The following UBR1 variants were observed in gnomAD, a reference collection of about 807,000 sequenced individuals.
The protein encoded by UBR1 is ubiquitin protein ligase E3 component n-recognin 1, also known as E3 ubiquitin-protein ligase UBR1.
Under a neutral mutation model 242.1 loss-of-function variants are expected in UBR1, and 102 were observed. The observed-to-expected ratio is 0.42, with a 90% CI of 0.36 to 0.50. UBR1 has a LOEUF of 0.50. UBR1 is among the 20% of genes least tolerant of loss of function. The pLI, the probability that UBR1 is intolerant of heterozygous loss-of-function variation, is 0.01. For missense variants in UBR1, 1,772 were observed against 2,101.8 expected (o/e 0.84, Z 3.07); for synonymous variants, 675 against 684.8 (o/e 0.99, Z 0.22).
chr15:42,995,988 G>C (rs2032632279), intron 33 of UBR1, among the ~76,000 whole-genome samples: 1 of 152,104 alleles, frequency 6.6e-6, no homozygotes, highest in African/African-American at 2.4e-5. Flanking sequence ...AACTAAGGTA[G>C]GCCAGGCTTT....
chr15:43,015,990 GA>G (rs1426507904), intron 28 of UBR1, 121 bp from the exon 29 acceptor site: 2 of 844,604 alleles, frequency 2.4e-6, no homozygotes, highest in African/African-American at 3.4e-5. Context: ...TTACATCCTG[GA>G]TTCAGTTTAA....
At chr15:43,019,559 A>G (rs1332600927) in intron 27 of UBR1, among the ~76,000 whole-genome samples, 2 of 151,620 alleles carry the variant, frequency 1.3e-5, no homozygotes, top group African/African-American at 4.8e-5. Context: ...TGAGTGCAGA[A>G]GCTCCATAAT....
rs938726095 is a variant in UBR1, at chr15:43,011,395, C to T, written c.3210-4111G>A. Among the ~76,000 whole-genome samples the T allele has an allele frequency of 3.9e-5, 6 of 151,920 alleles. No homozygotes were observed. In the East Asian group the frequency reaches 1.2e-3, roughly 29 times the overall value. On this transcript the variant is annotated intron_variant, in intron 29 of 46. Transcript: ENST00000290650. ...AATATGGTAAACATATGTAACAAAGCTAAGTATTAATAATTTTAAGACTTA... is the reference window on the plus strand; with the variant it reads ...AATATGGTAAACATATGTAACAAAGTTAAGTATTAATAATTTTAAGACTTA...
Position 43,029,526 on chromosome 15 carries a change from A to G in UBR1, c.2379+418T>C, listed in dbSNP as rs946938987. Among the ~76,000 whole-genome samples, 8 of 152,210 alleles carry G rather than the reference A, an allele frequency of 5.3e-5. No homozygotes were observed. The East Asian group carries it at 9.6e-4, about 18-fold the overall frequency. On this transcript the variant is annotated intron_variant, in intron 21 of 46. Coordinates refer to ENST00000290650, the MANE Select transcript of UBR1 (RefSeq NM_174916.3). ...AAGCCCAGCAGTCTGGGATGCTTCT[A>G]TGTAACTTTCCTTCCCTCTTTATTT...
At chr15:43,049,092 T>C (rs1452015735) in intron 12 of UBR1, among the ~76,000 whole-genome samples, 1 of 152,236 alleles carries the variant, frequency 6.6e-6, no homozygotes, top group Non-Finnish European at 1.5e-5. Flanking sequence ...AAATGAGTTA[T>C]CAGGAAGTAA....
intron 1 of UBR1, among the ~76,000 whole-genome samples, chr15:43,097,136 C>G (rs1596143264): frequency 6.6e-6 from 1 of 152,242 alleles, no homozygotes; most frequent in East Asian, 1.9e-4. Flanking sequence ...ATTGTGTTAG[C>G]AGGCATGAAA....
intron 1 of UBR1, chr15:43,092,032 G>C: frequency 2.2e-6 from 1 of 454,472 alleles, no homozygotes; most frequent in Admixed American, 2.4e-5. Flanking sequence ...GTCAGTGAGC[G>C]GAGATCATGC....
rs188047047 is a variant in UBR1, at chr15:43,021,242, C to T, written c.2940+33G>A. 5,735 of 1,583,324 alleles carry T rather than the reference C, an allele frequency of 3.6e-3. 19 individuals carry two copies. Among genetic ancestry groups the T allele is most frequent in the Non-Finnish European group, 4.6e-3 (5,276 of 1,152,818 alleles). On this transcript the variant is annotated intron_variant, in intron 27 of 46. Transcript: ENST00000290650. ...AGCAGAGAATTCTTAAATATTTAAA[C>T]CAAGATATGATCACTTTACTTTTTT...
At chr15:43,021,614 A>G (rs2033111534) in intron 26 of UBR1, among the ~76,000 whole-genome samples, 1 of 152,204 alleles carries the variant, frequency 6.6e-6, no homozygotes, top group African/African-American at 2.4e-5. Context: ...TTATTAGATA[A>G]TATTGTTTAG....
intron 32 of UBR1, among the ~76,000 whole-genome samples, chr15:43,000,659 G>C (rs1434451920): frequency 1.3e-5 from 2 of 152,244 alleles, no homozygotes; most frequent in Non-Finnish European, 2.9e-5. Flanking sequence ...TACTTCAATG[G>C]ACTACTGTGA....
rs539971756 is a variant in UBR1 at position 43,096,189 on chromosome 15, T to TC, written c.81+9752dup. Among the ~76,000 whole-genome samples the TC allele has an allele frequency of 4.3e-3, 652 of 151,710 alleles. 6 individuals are homozygous for TC. Among genetic ancestry groups the TC allele is most frequent in the Admixed American group, 6.3e-3 (96 of 15,228 alleles). ...CAATTTCTCTCTTTTTTTTTTTTTT[T>TC]CTGAGACAGAGTCTCACTCTATCCC... On this transcript the variant is annotated intron_variant, in intron 1 of 46. Transcript: ENST00000290650.
Position 42,952,369 on chromosome 15 carries a change from T to C in UBR1, c.4915A>G (p.Ile1639Val). The part of the protein sequence containing the change: ...FCGAILCSQN[I>V]CCQEIVNGEE... Reference sequence around the variant, plus strand: ...CCGTTCACAATTTCCTGGCAGCAAATGTTCTGAGAACATAGTATAGCCCCA... The same window carrying C: ...CCGTTCACAATTTCCTGGCAGCAAACGTTCTGAGAACATAGTATAGCCCCA... Residue 1639 changes from isoleucine to valine, a missense_variant, in exon 45 of 47, where the codon ATT (isoleucine) becomes GTT (valine). Ile to Val is a conservative substitution (Grantham distance 29). Around this residue, in one of 3 missense-constraint regions of UBR1, gnomAD observed 965 missense variants for 1,079.7 expected, o/e 0.89. Coordinates refer to ENST00000290650, the MANE Select transcript of UBR1 (RefSeq NM_174916.3). The C allele has an allele frequency of 6.2e-7, 1 of 1,614,238 alleles. No individual in the cohort carries two copies. The highest frequency in any genetic ancestry group is 8.5e-7 in the Non-Finnish European group (1 of 1,180,036).
At chr15:43,008,810 A>G (rs889376191) in intron 29 of UBR1, among the ~76,000 whole-genome samples, 12 of 152,130 alleles carry the variant, frequency 7.9e-5, no homozygotes, top group African/African-American at 2.7e-4. Context: ...GAGCTACCCA[A>G]TTCAAGTCTC....
chr15:43,055,713 G>C (rs149998221), intron 11 of UBR1, among the ~76,000 whole-genome samples: 12 of 152,218 alleles, frequency 7.9e-5, no homozygotes, highest in African/African-American at 2.2e-4. Context: ...TCAGGAGTTT[G>C]AGACCAGCCT....
chr15:43,085,351 G>GT (rs1227162200), intron 2 of UBR1, among the ~76,000 whole-genome samples: 1 of 152,194 alleles, frequency 6.6e-6, no homozygotes, highest in Non-Finnish European at 1.5e-5. Flanking sequence ...AGAGTTTCAG[G>GT]TAAGAGTGTA....
At chr15:42,987,711 C>CAAAAAAAAAAAAAA (rs35169116) in intron 35 of UBR1, among the ~76,000 whole-genome samples, 1 of 54,654 alleles carries the variant, frequency 1.8e-5, no homozygotes, top group Non-Finnish European at 3.2e-5. Context: ...GACTCTGTCT[C>CAAAAAAAAAAAAAA]AAAAAAAAAA....
At position 42,944,337 on chromosome 15, in the gene UBR1, AG is replaced by A. The variant is rs1312294127; in HGVS notation, c.*991del. On this transcript the variant is annotated 3_prime_UTR_variant, in exon 47 of 47. Coordinates refer to ENST00000290650, the MANE Select transcript of UBR1 (RefSeq NM_174916.3). The stretch of plus-strand genomic sequence containing the variant: ...CATGGCTTTTTTGGTGGTTTGTACT[AG>A]TCATAAAACCAGAGTTTATGAAAAG... 3.3e-5 allele frequency: 5 copies of A among 152,628 alleles called. No individual in the cohort carries two copies. The highest frequency in any genetic ancestry group is 7.2e-5 in the African/African-American group (3 of 41,450). The allele number at this position is 152,628 out of a possible 1,614,324, so 9.5% of individuals were successfully genotyped here. A position where few individuals can be genotyped will look rare whatever the true frequency, so the allele number is the denominator to read the frequency against.
intron 3 of UBR1, 74 bp downstream of exon 3, chr15:43,082,564 A>C: frequency 1.7e-6 from 2 of 1,156,672 alleles, no homozygotes; most frequent in South Asian, 1.3e-5. Flanking sequence ...AGGAATGTGA[A>C]TACTACTCAA....
chr15:42,945,259 G>A lies in UBR1; in HGVS notation c.*70C>T. 1.2e-6 allele frequency: 2 copies of A among 1,611,106 alleles called. No homozygotes were observed. The highest frequency in any genetic ancestry group is 1.7e-6 in the Non-Finnish European group (2 of 1,178,118). ...CCAATACTTTCCCAGCCCTCAGAAA[G>A]TTTTCCATAATTTTGAATCAGCCTT... On this transcript the variant is annotated 3_prime_UTR_variant, in exon 47 of 47. Transcript: ENST00000290650.
Sources: allele counts gnomAD v4.1 joint callset (sites outside exome capture counted in the v4.1 genomes callset), GRCh38; gene constraint gnomAD v4.1.1; regional missense constraint gnomAD v4.1.1; transcripts MANE v1.5; gene names NCBI Gene and HGNC (gene_info 2026-07-23, HGNC 2026-07-21).